RPS6KA5: variants seen among roughly 807,000 people sequenced by gnomAD.
RPS6KA5 encodes ribosomal protein S6 kinase A5, also known as ribosomal protein S6 kinase alpha-5.
Under a neutral mutation model 85.5 loss-of-function variants are expected in RPS6KA5, and 27 were observed. That is an observed-to-expected ratio of 0.32 (90% CI 0.23 to 0.44). The LOEUF is 0.44. Among genes scored for constraint, RPS6KA5 ranks in the 20% least tolerant of loss-of-function variants. RPS6KA5 has a pLI of 1.00. For missense variants in RPS6KA5, 811 were observed against 980.9 expected (o/e 0.83, Z 2.31); for synonymous variants, 334 against 348.2 (o/e 0.96, Z 0.46).
chr14:90,965,108 C>T (rs951513907), intron 3 of RPS6KA5, among the ~76,000 whole-genome samples: 3 of 152,046 alleles, frequency 2.0e-5, no homozygotes, highest in African/African-American at 7.2e-5. Context: ...AAAAAGTTCT[C>T]GTATCGGCTG....
intron 14 of RPS6KA5, among the ~76,000 whole-genome samples, chr14:90,879,994 G>T (rs183790211): frequency 7.4e-4 from 112 of 151,970 alleles, no homozygotes; most frequent in African/African-American, 2.1e-3. Context: ...ATATTGGTCA[G>T]GCTTGTCTCT....
At chr14:90,917,871 C>T (rs2036207074) in intron 7 of RPS6KA5, among the ~76,000 whole-genome samples, 1 of 152,166 alleles carries the variant, frequency 6.6e-6, no homozygotes. Flanking sequence ...AGATAAATTC[C>T]TTTTCATTGC....
In RPS6KA5 at chr14:90,910,177, A is replaced by C. The variant is rs185005999; in HGVS notation, c.807-3878T>G. ...CAGGAAATAAAAAAACAAAAGCAAG[A>C]CCTTGCCTTATATTACAACCCAAAT... On this transcript the variant is annotated intron_variant, in intron 7 of 16. Transcript: ENST00000614987. 3.3e-5 allele frequency among the ~76,000 whole-genome samples: 5 copies of C among 152,344 alleles called. 1 individual carries two copies. The East Asian group carries it at 9.6e-4, about 29-fold the overall frequency.
intron 1 of RPS6KA5, among the ~76,000 whole-genome samples, chr14:91,011,253 C>T (rs753931118): frequency 2.6e-5 from 4 of 151,988 alleles, no homozygotes; most frequent in South Asian, 4.1e-4. Context: ...TTTGGGAGGC[C>T]GAGGCGGGTG....
Position 90,859,300 on chromosome 14 carries a change from A to G in RPS6KA5, c.*12774T>C, listed in dbSNP as rs2032426814. 6.6e-6 allele frequency: 1 copy of G among 152,238 alleles called. No homozygotes were observed. Among genetic ancestry groups the G allele is most frequent in the African/African-American group, 2.4e-5 (1 of 41,466 alleles). 9.4% of individuals were successfully genotyped at this position (152,238 alleles called of 1,614,324 possible). The stretch of plus-strand genomic sequence containing the variant: ...TAACATCGTTCAAAGCCCCTACAGT[A>G]TTTAACACACAATGTATGACATTTC... On this transcript the variant is annotated 3_prime_UTR_variant, in exon 17 of 17. Transcript: ENST00000614987.
chr14:91,024,121 T>C (rs1402191372), intron 1 of RPS6KA5, among the ~76,000 whole-genome samples: 2 of 152,234 alleles, frequency 1.3e-5, no homozygotes, highest in African/African-American at 4.8e-5. Context: ...TTTTCTTCAA[T>C]GCCCTTATTA....
chr14:91,041,652 C>CTAAG (rs2042609187), intron 1 of RPS6KA5, among the ~76,000 whole-genome samples: 1 of 152,198 alleles, frequency 6.6e-6, no homozygotes, highest in Non-Finnish European at 1.5e-5. Context: ...CTGCCAGGTG[C>CTAAG]TAAGCTATTC....
chr14:90,849,319 C>T lies in RPS6KA5; in HGVS notation c.*22755G>A, dbSNP rs2031871434. 1 of 152,174 alleles carries T rather than the reference C, an allele frequency of 6.6e-6. No individual in the cohort carries two copies. Among genetic ancestry groups the T allele is most frequent in the Non-Finnish European group, 1.5e-5 (1 of 68,032 alleles). 9.4% of individuals were successfully genotyped at this position (152,174 alleles called of 1,614,324 possible). A position where few individuals can be genotyped will look rare whatever the true frequency, so the allele number is the denominator to read the frequency against. ...GTTTTGGCCAGAGATGAACACGCAC[C>T]CATATGTCTGAAGACAAAAGTTTTT... On this transcript the variant is annotated 3_prime_UTR_variant, in exon 17 of 17. Coordinates refer to ENST00000614987, the MANE Select transcript of RPS6KA5 (RefSeq NM_004755.4).
At chr14:90,944,928 G>GTC (rs1324365325) in intron 4 of RPS6KA5, among the ~76,000 whole-genome samples, 1 of 88,668 alleles carries the variant, frequency 1.1e-5, no homozygotes, top group Admixed American at 1.1e-4. Flanking sequence ...TAGACCCAAT[G>GTC]TCTCTATTTT....
rs1459891216 is a variant in RPS6KA5 at position 90,866,412 on chromosome 14, G to A, written c.*5662C>T. Reference sequence around the variant, plus strand: ...GAGCCCAGGAGGTGGAGGTTGCAGTGAGCTGTGATCACGCCACTGCACTCC... The same window carrying A: ...GAGCCCAGGAGGTGGAGGTTGCAGTAAGCTGTGATCACGCCACTGCACTCC... On this transcript the variant is annotated 3_prime_UTR_variant, in exon 17 of 17. Coordinates refer to ENST00000614987, the MANE Select transcript of RPS6KA5 (RefSeq NM_004755.4). 1.3e-5 allele frequency: 2 copies of A among 152,408 alleles called. No homozygotes were observed. The highest frequency in any genetic ancestry group is 2.9e-5 in the Non-Finnish European group (2 of 68,238). 9.4% of individuals were successfully genotyped at this position (152,408 alleles called of 1,614,324 possible).
chr14:91,000,079 T>C (rs2040719940), intron 2 of RPS6KA5, among the ~76,000 whole-genome samples: 1 of 151,368 alleles, frequency 6.6e-6, no homozygotes, highest in African/African-American at 2.4e-5. Context: ...CAAAGTGCTG[T>C]GGTGGCATAA....
intron 3 of RPS6KA5, among the ~76,000 whole-genome samples, chr14:90,965,705 C>A (rs2039030251): frequency 6.6e-6 from 1 of 152,024 alleles, no homozygotes; most frequent in African/African-American, 2.4e-5. Flanking sequence ...GAAAGCTTAG[C>A]AATCTAGTAT....
intron 1 of RPS6KA5, among the ~76,000 whole-genome samples, chr14:91,018,185 G>A (rs1253169894): frequency 1.3e-5 from 2 of 152,202 alleles, no homozygotes; most frequent in East Asian, 1.9e-4. Context: ...GTAATGGAAG[G>A]AGATAGTTAT....
chr14:91,020,447 CA>C, intron 1 of RPS6KA5, among the ~76,000 whole-genome samples: 1 of 151,364 alleles, frequency 6.6e-6, no homozygotes, highest in Non-Finnish European at 1.5e-5. Context: ...AATACTATGC[CA>C]ATTTATATAA....
intron 13 of RPS6KA5, among the ~76,000 whole-genome samples, chr14:90,891,715 A>G (rs762927761): frequency 2.8e-4 from 43 of 152,246 alleles, no homozygotes; most frequent in Non-Finnish European, 4.9e-4. Context: ...GTGGGTGGAA[A>G]GAAAAACAAA....
chr14:90,996,184 G>GT (rs1016104492), intron 2 of RPS6KA5, among the ~76,000 whole-genome samples: 18 of 147,574 alleles, frequency 1.2e-4, no homozygotes, highest in Admixed American at 2.7e-4. Flanking sequence ...AGGCTAATTT[G>GT]TTTTTTTTGT....
At chr14:90,889,469 G>T (rs940592267) in intron 14 of RPS6KA5, among the ~76,000 whole-genome samples, 2 of 152,016 alleles carry the variant, frequency 1.3e-5, no homozygotes, top group African/African-American at 2.4e-5. Flanking sequence ...TAGTTGATGA[G>T]AACATAATCT....
intron 5 of RPS6KA5, among the ~76,000 whole-genome samples, chr14:90,933,959 C>T (rs937407456): frequency 2.0e-5 from 3 of 152,182 alleles, no homozygotes; most frequent in African/African-American, 7.2e-5. Context: ...TCACTTCCTT[C>T]ATGTCTCTAC....
rs148640231 is a variant in RPS6KA5, at chr14:91,032,928, C to T, written c.103+27404G>A. 3.4e-3 allele frequency among the ~76,000 whole-genome samples: 520 copies of T among 152,114 alleles called. 4 individuals carry two copies. The highest frequency in any genetic ancestry group is 0.012 in the African/African-American group (480 of 41,502). ...GTGGCTCACACCTGTAATCCCAGTA[C>T]TTTGGGAGGCTGAGGTGGGCAGATC... On this transcript the variant is annotated intron_variant, in intron 1 of 16. Coordinates refer to ENST00000614987, the MANE Select transcript of RPS6KA5 (RefSeq NM_004755.4).
Sources: gnomAD v4.1 joint callset for allele counts (sites outside exome capture counted in the v4.1 genomes callset) on GRCh38, gnomAD v4.1.1 for gene constraint, MANE v1.5 for transcripts, NCBI Gene and HGNC (gene_info 2026-07-23, HGNC 2026-07-21) for gene names.